The following PLD5 variants were observed in gnomAD, a reference collection of about 807,000 sequenced individuals.
The protein encoded by PLD5 is phospholipase D family member 5.
A neutral mutation model predicts 61.1 loss-of-function variants in PLD5; 36 were observed. The observed-to-expected ratio is 0.59, with a 90% CI of 0.45 to 0.78. The LOEUF is 0.78. PLD5 is among the 30% of genes least tolerant of loss of function. PLD5 has a pLI of 0.00. For missense variants in PLD5, 515 were observed against 644.4 expected (o/e 0.80, Z 2.17); for synonymous variants, 243 against 242.8 (o/e 1.00, Z -0.01).
chr1:242,398,996 T>C (rs920316819), intron 1 of PLD5, among the ~76,000 whole-genome samples: 2 of 152,236 alleles, frequency 1.3e-5, no homozygotes, highest in East Asian at 1.9e-4. Context: ...GATGACACCA[T>C]TGGGGGAAGC....
intron 4 of PLD5, among the ~76,000 whole-genome samples, chr1:242,241,983 T>C (rs12760383): frequency 2.9e-5 from 2 of 70,116 alleles, no homozygotes; most frequent in Non-Finnish European, 5.2e-5. Context: ...ATATACTATA[T>C]ATACTTACTA....
At chr1:242,171,802 GCATTA>G (rs1490318962) in intron 5 of PLD5, among the ~76,000 whole-genome samples, 1 of 151,752 alleles carries the variant, frequency 6.6e-6, no homozygotes, top group African/African-American at 2.4e-5. Flanking sequence ...ACAAAGAAGG[GCATTA>G]CATAGTGGTA....
intron 5 of PLD5, among the ~76,000 whole-genome samples, chr1:242,173,728 C>T (rs1404380010): frequency 3.3e-5 from 5 of 152,084 alleles, no homozygotes; most frequent in Non-Finnish European, 7.4e-5. Context: ...GAACAGAGCC[C>T]TCAGAAATAA....
chr1:242,479,740 G>A (rs374899944), intron 1 of PLD5, among the ~76,000 whole-genome samples: 12 of 152,052 alleles, frequency 7.9e-5, no homozygotes, highest in African/African-American at 2.9e-4. Context: ...GAGGACCATA[G>A]ATAGAAAGCT....
At chr1:242,430,468 C>T (rs1353466691) in intron 1 of PLD5, among the ~76,000 whole-genome samples, 3 of 152,060 alleles carry the variant, frequency 2.0e-5, no homozygotes, top group African/African-American at 7.2e-5. Flanking sequence ...TCTCAAAGGA[C>T]ACACCTCCAA....
At chr1:242,446,644 C>T (rs1572169985) in intron 1 of PLD5, among the ~76,000 whole-genome samples, 2 of 152,150 alleles carry the variant, frequency 1.3e-5, no homozygotes, top group African/African-American at 2.4e-5. Context: ...CACATTGGAC[C>T]GTCTCCCAGT....
At chr1:242,507,028 G>T (rs1163942772) in intron 1 of PLD5, among the ~76,000 whole-genome samples, 3 of 152,110 alleles carry the variant, frequency 2.0e-5, no homozygotes, top group Non-Finnish European at 4.4e-5. Flanking sequence ...GGCAGGAAGT[G>T]GTATCCTTGG....
intron 1 of PLD5, among the ~76,000 whole-genome samples, chr1:242,482,627 A>G (rs1442104672): frequency 6.6e-6 from 1 of 152,234 alleles, no homozygotes; most frequent in East Asian, 1.9e-4. Context: ...AAGTTGGAAA[A>G]CACTCTACAG....
At chr1:242,467,692 G>T (rs563932344) in intron 1 of PLD5, among the ~76,000 whole-genome samples, 1 of 152,174 alleles carries the variant, frequency 6.6e-6, no homozygotes, top group African/African-American at 2.4e-5. Context: ...CAGAACCGGC[G>T]TTCCTAAGAC....
intron 5 of PLD5, among the ~76,000 whole-genome samples, chr1:242,204,179 C>CT (rs1292137081): frequency 6.6e-6 from 1 of 151,596 alleles, no homozygotes; most frequent in African/African-American, 2.4e-5. Context: ...GGAGGCGAAG[C>CT]TTGCAGTGAG....
chr1:242,308,812 C>T (rs1181200442), intron 2 of PLD5, among the ~76,000 whole-genome samples: 1 of 152,108 alleles, frequency 6.6e-6, no homozygotes, highest in Admixed American at 6.5e-5. Context: ...CCTAATCACT[C>T]AAGTGTGGGA....
At chr1:242,102,985 C>T (rs1020508082) in intron 8 of PLD5, among the ~76,000 whole-genome samples, 23 of 152,300 alleles carry the variant, frequency 1.5e-4, no homozygotes, top group Admixed American at 3.3e-4. Context: ...TGACATTTCA[C>T]GCCCTAGAAG....
At chr1:242,451,744 G>C (rs896501228) in intron 1 of PLD5, among the ~76,000 whole-genome samples, 1 of 152,048 alleles carries the variant, frequency 6.6e-6, no homozygotes, top group Non-Finnish European at 1.5e-5. Flanking sequence ...ACAGGCTTGA[G>C]CCACCGCGCC....
At chr1:242,444,511 C>A (rs1191332527) in intron 1 of PLD5, among the ~76,000 whole-genome samples, 1 of 151,168 alleles carries the variant, frequency 6.6e-6, no homozygotes, top group Non-Finnish European at 1.5e-5. Context: ...TCATTACCTT[C>A]AAGCTTCTGA....
intron 5 of PLD5, among the ~76,000 whole-genome samples, chr1:242,169,892 C>T (rs1290199566): frequency 1.3e-5 from 2 of 152,184 alleles, no homozygotes; most frequent in Non-Finnish European, 1.5e-5. Flanking sequence ...GATATCTCCT[C>T]TCTGGGAAGG....
rs77380728 is a variant in PLD5, at chr1:242,134,588, C to T, written c.736-9923G>A. ...TAGGAGAAACCCTGAAGTAGAGAAA[C>T]GCTGTAAAAATGTTCAGAAAAGGGG... On this transcript the variant is annotated intron_variant, in intron 5 of 9. Coordinates refer to ENST00000536534, the MANE Select transcript of PLD5 (RefSeq NM_001372062.1). Among the ~76,000 whole-genome samples, 527 of 152,176 alleles carry T rather than the reference C, an allele frequency of 3.5e-3. 1 individual carries two copies. The highest frequency in any genetic ancestry group is 7.0e-3 in the South Asian group (34 of 4,824).
At chr1:242,231,750 T>C (rs567430227) in intron 4 of PLD5, among the ~76,000 whole-genome samples, 58 of 152,268 alleles carry the variant, frequency 3.8e-4, no homozygotes, top group Middle Eastern at 6.8e-3. Flanking sequence ...AGATCTAATA[T>C]AGGATTGGCA....
upstream of PLD5, among the ~76,000 whole-genome samples, chr1:242,527,117 T>C (rs7521198): frequency 0.012 from 159 of 12,732 alleles, 1 homozygote; most frequent in African/African-American, 0.047. Context: ...TCTCCTTCTT[T>C]TTTTTTTTTT....
intron 4 of PLD5, among the ~76,000 whole-genome samples, chr1:242,243,834 T>C (rs1281423677): frequency 6.6e-6 from 1 of 152,196 alleles, no homozygotes; most frequent in African/African-American, 2.4e-5. Context: ...TCAGTAGAGC[T>C]TCTGCTTTTT....
Sources: allele counts gnomAD v4.1 joint callset (sites outside exome capture counted in the v4.1 genomes callset), GRCh38; gene constraint gnomAD v4.1.1; transcripts MANE v1.5; gene names NCBI Gene and HGNC (gene_info 2026-07-23, HGNC 2026-07-21).